CCDC63: variants seen among roughly 807,000 people sequenced by gnomAD.
The protein encoded by CCDC63 is coiled-coil domain-containing protein 63.
In CCDC63, 54 loss-of-function variants were observed where a neutral mutation model predicts 63.6. That is an observed-to-expected ratio of 0.85 (90% confidence interval 0.68 to 1.07). CCDC63 has a LOEUF of 1.07. Among genes scored for constraint, CCDC63 ranks in the 50% least tolerant of loss-of-function variants. The probability of loss-of-function intolerance (pLI) is 0.00; values close to 1 mark genes in which losing one functional copy is unlikely to be tolerated. For missense variants in CCDC63, 637 were observed against 689.6 expected, an observed-to-expected ratio of 0.92 and a Z score of 0.86; for synonymous variants, 253 against 266.1, an observed-to-expected ratio of 0.95 and a Z score of 0.48.
At chr12:110,868,155 C>T (rs956734815) in intron 4 of CCDC63, among the ~76,000 whole-genome samples, 53 of 149,204 alleles carry the variant, frequency 3.6e-4, no homozygotes, top group African/African-American at 1.3e-3. Context: ...AGAGACGCTC[C>T]TCACTTCCTA....
intron 5 of CCDC63, among the ~76,000 whole-genome samples, chr12:110,876,550 C>T (rs770138976): frequency 2.6e-5 from 4 of 152,038 alleles, no homozygotes; most frequent in African/African-American, 4.8e-5. Context: ...TTTCATGCCC[C>T]GGTTGCTTCA....
At chr12:110,904,338 C>CT in intron 10 of CCDC63, among the ~76,000 whole-genome samples, 1 of 117,076 alleles carries the variant, frequency 8.5e-6, no homozygotes, top group Admixed American at 8.3e-5. Flanking sequence ...CAGACCTTGT[C>CT]AAAAAAAAAA....
intron 8 of CCDC63, among the ~76,000 whole-genome samples, chr12:110,887,190 C>T (rs1341708173): frequency 2.0e-5 from 3 of 151,972 alleles, no homozygotes; most frequent in African/African-American, 4.8e-5. Context: ...TGTAGTGGCA[C>T]GATCTTGGCT....
intron 7 of CCDC63, among the ~76,000 whole-genome samples, chr12:110,882,844 C>T (rs1190718867): frequency 2.6e-5 from 4 of 151,860 alleles, no homozygotes; most frequent in South Asian, 2.1e-4. Flanking sequence ...TGTGCCTAAA[C>T]GATCCTTTTA....
At chr12:110,873,015 C>T (rs2071085845) in intron 4 of CCDC63, among the ~76,000 whole-genome samples, 1 of 152,140 alleles carries the variant, frequency 6.6e-6, no homozygotes, top group African/African-American at 2.4e-5. Flanking sequence ...GGGTGGATCA[C>T]TTGAGGCCAG....
intron 8 of CCDC63, 62 bp downstream of exon 8, chr12:110,884,312 C>A: frequency 1.5e-6 from 2 of 1,374,500 alleles, no homozygotes; most frequent in Non-Finnish European, 2.1e-6. Context: ...CTTTCCAGGG[C>A]AGTCTCCTAG....
At chr12:110,900,990 C>T (rs11065756) in intron 10 of CCDC63, among the ~76,000 whole-genome samples, 9,663 of 152,188 alleles carry the variant, frequency 0.063, 435 homozygotes, top group East Asian at 0.21. Flanking sequence ...TAGAGGACTT[C>T]CAGGACTCAG....
chr12:110,894,322 G>C (rs2071392049), intron 9 of CCDC63, among the ~76,000 whole-genome samples: 1 of 152,124 alleles, frequency 6.6e-6, no homozygotes, highest in South Asian at 2.1e-4. Context: ...TTGCAAGAGA[G>C]GTTTGGAAAT....
chr12:110,873,898 G>A lies in CCDC63; in HGVS notation c.426G>A (p.Gln142=). 1 of 1,612,356 alleles carries A rather than the reference G, an allele frequency of 6.2e-7. No individual in the cohort carries two copies. The highest frequency in any genetic ancestry group is 1.1e-5 in the South Asian group (1 of 90,920). The change falls in exon 5 of 12, where the codon CAG becomes CAA. Residue 142 remains glutamine, a synonymous_variant. Transcript: ENST00000308208. ...ANQKQIFAKM[Q]EANNPRKLQK... is the part of the protein sequence containing the mutation. ...AAAAACAGATTTTCGCAAAAATGCA[G>A]GAGGCCAATAACCCCCGGAAACTGC...
Position 110,867,421 on chromosome 12 carries a change from C to T in CCDC63, c.370-6421C>T, listed in dbSNP as rs1422524505. On this transcript the variant is annotated intron_variant, in intron 4 of 11. Coordinates refer to ENST00000308208, the MANE Select transcript of CCDC63 (RefSeq NM_152591.3). ...GGGGCTGACCCCCCCATCTCCCTCC[C>T]GGACGGGGTGGCTGGCCGGGCTGAG... 4.1e-5 allele frequency among the ~76,000 whole-genome samples: 5 copies of T among 122,814 alleles called. No individual in the cohort carries two copies. The East Asian group carries it at 8.0e-4, about 20-fold the overall frequency. 80.6% of individuals were successfully genotyped at this position (122,814 alleles called of 152,430 possible).
chr12:110,859,129 T>C (rs2070817974), intron 4 of CCDC63, among the ~76,000 whole-genome samples: 1 of 152,310 alleles, frequency 6.6e-6, no homozygotes, highest in South Asian at 2.1e-4. Flanking sequence ...TTAAGGTTTC[T>C]TCCTTGTTGA....
rs1355902971 is a variant in CCDC63, at chr12:110,905,880, G to A, written c.1546+1089G>A. On this transcript the variant is annotated intron_variant, in intron 11 of 11. Coordinates refer to ENST00000308208, the MANE Select transcript of CCDC63 (RefSeq NM_152591.3). ...TGTGTATGTGTATATATGTGTGTGT[G>A]TATATATATAATATTATATATAATA... Among the ~76,000 whole-genome samples the A allele has an allele frequency of 6.3e-4, 12 of 19,114 alleles. No individual in the cohort carries two copies. In the South Asian group the frequency reaches 0.016, roughly 25 times the overall value. 12.5% of individuals were successfully genotyped at this position (19,114 alleles called of 152,430 possible). A position where few individuals can be genotyped will look rare whatever the true frequency, so the allele number is the denominator to read the frequency against.
intron 10 of CCDC63, among the ~76,000 whole-genome samples, chr12:110,901,680 A>G (rs187314054): frequency 6.6e-6 from 1 of 152,140 alleles, no homozygotes; most frequent in Admixed American, 6.5e-5. Context: ...GGGCGTGTGA[A>G]GTTTGTCTTT....
chr12:110,845,119 C>T (rs1170016978), upstream of CCDC63, among the ~76,000 whole-genome samples: 4 of 152,210 alleles, frequency 2.6e-5, no homozygotes, highest in Admixed American at 6.5e-5. Context: ...AAGCCTGATA[C>T]GTCTCTGCAT....
intron 4 of CCDC63, among the ~76,000 whole-genome samples, chr12:110,871,860 TA>T (rs2071073125): frequency 6.6e-6 from 1 of 152,184 alleles, no homozygotes; most frequent in South Asian, 2.1e-4. Context: ...GAATTGCATC[TA>T]AATCACCTCT....
At chr12:110,897,140 A>G (rs967365821) in intron 9 of CCDC63, among the ~76,000 whole-genome samples, 68 of 152,168 alleles carry the variant, frequency 4.5e-4, no homozygotes, top group Admixed American at 4.3e-3. Flanking sequence ...CATAATAAAA[A>G]TATTGATTCG....
intron 3 of CCDC63, among the ~76,000 whole-genome samples, chr12:110,854,069 T>A (rs1418902849): frequency 6.6e-6 from 1 of 152,042 alleles, no homozygotes; most frequent in Non-Finnish European, 1.5e-5. Flanking sequence ...CAATCAGCTG[T>A]GGCTTGAGAG....
intron 4 of CCDC63, among the ~76,000 whole-genome samples, chr12:110,867,503 TG>T (rs2070981156): frequency 2.0e-5 from 1 of 51,258 alleles, no homozygotes; most frequent in African/African-American, 9.2e-5. Flanking sequence ...ACCTCCGGGA[TG>T]GGGCGGCTGG....
intron 8 of CCDC63, among the ~76,000 whole-genome samples, chr12:110,892,544 T>C (rs2071369648): frequency 1.3e-5 from 2 of 152,032 alleles, no homozygotes; most frequent in Admixed American, 1.3e-4. Flanking sequence ...AACAGAAAAT[T>C]CTATTGACTG....
Sources: allele counts gnomAD v4.1 joint callset (sites outside exome capture counted in the v4.1 genomes callset), GRCh38; gene constraint gnomAD v4.1.1; transcripts MANE v1.5; gene names NCBI Gene and HGNC (gene_info 2026-07-23, HGNC 2026-07-21).